TTN: variants seen among roughly 807,000 people sequenced by gnomAD.
TTN encodes connectin.
TTN carries 1,525 observed loss-of-function variants against 3,223.0 expected under a neutral mutation model. The observed-to-expected ratio is 0.47, with a 90% CI of 0.45 to 0.49. TTN has a LOEUF of 0.49. Ranked by LOEUF, TTN falls within the 20% of genes least tolerant of loss-of-function variation. The pLI, the probability that TTN is intolerant of heterozygous loss-of-function variation, is 0.00. For missense variants in TTN, 40,786 were observed against 43,424.0 expected, an observed-to-expected ratio of 0.94 and a Z score of 5.40; for synonymous variants, 14,094 against 15,161.0, an observed-to-expected ratio of 0.93 and a Z score of 5.17.
At chr2:178,749,952 A>G in intron 47 of TTN, 1 of 1,613,198 alleles carries the variant, frequency 6.2e-7, no homozygotes, top group South Asian at 1.1e-5. Flanking sequence ...ATATCAGACA[A>G]AAATACAAAT....
At position 178,549,820 on chromosome 2, in the gene TTN, C is replaced by T. The variant is rs1396806455; in HGVS notation, c.91902G>A (p.Gly30634=). 3.7e-6 allele frequency: 6 copies of T among 1,601,162 alleles called. No individual in the cohort carries two copies. The highest frequency in any genetic ancestry group is 5.1e-6 in the Non-Finnish European group (6 of 1,171,426). ...CATCCCACCACAGAGTCATCTTCTC[C>T]CCAGTAATATTGGTGAATCTTATTG... ...VGPIRFTNIT[G]EKMTLWWDAP... The change falls in exon 338 of 363, where the codon GGG becomes GGA. Residue 30634 remains glycine, a synonymous_variant. Transcript: ENST00000589042.
chr2:178,555,044 A>G lies in TTN; in HGVS notation c.88415T>C (p.Ile29472Thr), dbSNP rs1700836863. 1 of 1,613,800 alleles carries G rather than the reference A, an allele frequency of 6.2e-7. No individual in the cohort carries two copies. The highest frequency in any genetic ancestry group is 8.5e-7 in the Non-Finnish European group (1 of 1,179,828). ...AGISGKPAPT[I>T]EWYKDDKELQ... ...TTCTTTATCATCTTTATACCACTCA[A>G]TAGTAGGCGCAGGTTTGCCAGAAAT... Residue 29472 changes from isoleucine (I) to threonine (T), a missense_variant, in exon 331 of 363, where the codon ATT becomes ACT. Transcript: ENST00000589042.
intron 127 of TTN, among the ~76,000 whole-genome samples, 166 bp downstream of exon 127, chr2:178,687,945 C>G (rs981011669): frequency 1.3e-5 from 2 of 152,138 alleles, no homozygotes; most frequent in Non-Finnish European, 2.9e-5. Flanking sequence ...GTATAATCCT[C>G]CTGAATCTTG....
chr2:178,667,638 C>T lies in TTN; in HGVS notation c.35629G>A (p.Val11877Met), dbSNP rs1245278998. ...AGAGTGGATCATTGGTGTTATATAC[C>T]TTTTGCTAGTTTGGGTTTTGTCTTT... The part of the protein sequence containing the change: ...PQKTKPKLAK[V>M]PEPPKKVVPE... The change falls in exon 160 of 363, where the codon GTG (valine) becomes ATG (methionine). Residue 11877 changes from valine to methionine, a missense_variant and splice_region_variant. Physicochemically the swap from Val to Met is conservative, Grantham distance 21 (BLOSUM62 1). Transcript: ENST00000589042. 6.3e-7 allele frequency: 1 copy of T among 1,595,630 alleles called. No homozygotes were observed. The highest frequency in any genetic ancestry group is 1.7e-5 in the Admixed American group (1 of 59,752).
At chr2:178,711,432 A>G in intron 96 of TTN, 83 bp from the exon 97 acceptor site, 1 of 1,329,758 alleles carries the variant, frequency 7.5e-7, no homozygotes, top group Non-Finnish European at 1.0e-6. Context: ...ACGCACGTAT[A>G]TATGCAATTT....
rs778965506 is a variant in TTN at position 178,536,213 on chromosome 2, T to A, written c.100534A>T (p.Asn33512Tyr). 88 of 1,613,242 alleles carry A rather than the reference T, an allele frequency of 5.5e-5. No individual in the cohort carries two copies. Among genetic ancestry groups the A allele is most frequent in the Non-Finnish European group, 7.3e-5 (86 of 1,179,556 alleles). ...GTCACTTTGCAGACCAAGGTAGCAT[T>A]GCTCTGATATCTGACATTTAGATTT... is the stretch of plus-strand genomic sequence containing the variant. The part of the protein sequence containing the change: ...LRNLNVRYQS[N>Y]ATLVCKVTGH... Residue 33512 changes from asparagine to tyrosine, a missense_variant, in exon 357 of 363, where the codon AAT becomes TAT. Asn to Tyr is a moderately radical substitution (Grantham distance 143). Transcript: ENST00000589042.
In TTN at chr2:178,570,305, G is replaced by A. The variant is rs748746031; in HGVS notation, c.75827C>T (p.Thr25276Ile). ...VTKLLEGNEY[T>I]FRIMAVNKYG... is the part of the protein sequence containing the mutation. ...TTTGTTTACTGCCATTATACGGAAA[G>A]TATATTCATTGCCTTCAAGAAGCTT... The change falls in exon 326 of 363, where the codon ACT (threonine) becomes ATT (isoleucine). Residue 25276 changes from threonine to isoleucine, a missense_variant. By Grantham distance (89) the Thr-to-Ile change is moderately conservative. Transcript: ENST00000589042. The A allele has an allele frequency of 6.2e-7, 1 of 1,613,306 alleles. No individual in the cohort carries two copies.
rs2079601523 is a variant in TTN, at chr2:178,727,692, C to A, written c.19886G>T (p.Ser6629Ile). 6.2e-7 allele frequency: 1 copy of A among 1,613,112 alleles called. No individual in the cohort carries two copies. The highest frequency in any genetic ancestry group is 8.5e-7 in the Non-Finnish European group (1 of 1,179,430). Reference protein sequence around the residue: ...KCFIGLEGSTSFLNLYSVDAS... With the variant: ...KCFIGLEGSTIFLNLYSVDAS... ...ATCCACTGAGTAGAGATTTAAGAAG[C>A]TAGTCGACCCTTCCAAGCCAATGAA... The change falls in exon 68 of 363, where the codon AGC becomes ATC. Residue 6629 changes from serine (S) to isoleucine (I), a missense_variant. Ser to Ile is a moderately radical substitution (Grantham distance 142). Coordinates refer to ENST00000589042, the MANE Select transcript of TTN (RefSeq NM_001267550.2).
In TTN at chr2:178,636,772, A is replaced by G. The variant is rs1261664684; in HGVS notation, c.40955T>C (p.Ile13652Thr). 1.9e-6 allele frequency: 3 copies of G among 1,604,086 alleles called. No individual in the cohort carries two copies. The highest frequency in any genetic ancestry group is 1.7e-4 in the Middle Eastern group (1 of 5,990). Residue 13652 changes from isoleucine (I) to threonine (T), a missense_variant, in exon 225 of 363, where the codon ATA (isoleucine) becomes ACA (threonine). Physicochemically the swap from Ile to Thr is moderately conservative, Grantham distance 89. Coordinates refer to ENST00000589042, the MANE Select transcript of TTN (RefSeq NM_001267550.2). This position sits in a 1 kb window ranked among gnomAD's most constrained non-coding sequence, Gnocchi z 4.3. ...CCTTAACTTTCTCCTTTCGGCTTCT[A>G]TTGGTGAAGGAGTCTTTTTGGGTAC... The part of the protein sequence containing the change: ...KGVPKKTPSP[I>T]EAERRKLRPG...
At chr2:178,724,760 C>T (rs1277281240) in intron 71 of TTN, 2 of 413,134 alleles carry the variant, frequency 4.8e-6, no homozygotes, top group South Asian at 1.0e-4. Context: ...TTTTGTTTTT[C>T]CCACCACTCT....
chr2:178,629,659 G>A (rs562844604), intron 239 of TTN, among the ~76,000 whole-genome samples: 25 of 152,098 alleles, frequency 1.6e-4, no homozygotes, highest in Non-Finnish European at 3.5e-4. Flanking sequence ...TCGTTCTGAC[G>A]TACAAGGTCA....
chr2:178,604,597 A>G (rs2054333921), intron 281 of TTN, 111 bp downstream of exon 281: 1 of 1,183,590 alleles, frequency 8.4e-7, no homozygotes, highest in African/African-American at 1.5e-5. Context: ...ATAACAGCTT[A>G]TCGTGTGTGG....
chr2:178,622,251 G>A (rs72677220), intron 243 of TTN, among the ~76,000 whole-genome samples: 510 of 152,052 alleles, frequency 3.4e-3, no homozygotes, highest in Non-Finnish European at 6.3e-3. Context: ...GATCATATAA[G>A]TTTAGAGCTA....
Position 178,590,275 on chromosome 2 carries a change from C to G in TTN, c.61450G>C (p.Asp20484His). The change falls in exon 304 of 363, where the codon GAT (aspartate) becomes CAT (histidine). Residue 20484 changes from aspartate (D) to histidine (H), a missense_variant. Transcript: ENST00000589042. ...PEVELDVTCRDVITVRVGQTI... is the reference protein window; with the variant it reads ...PEVELDVTCRHVITVRVGQTI... The stretch of plus-strand genomic sequence containing the variant: ...TGGCCTACTCTCACGGTAATAACAT[C>G]ACGACAAGTAACATCAAGTTCTACT... The G allele has an allele frequency of 1.3e-6, 2 of 1,573,744 alleles. No homozygotes were observed. The highest frequency in any genetic ancestry group is 1.7e-6 in the Non-Finnish European group (2 of 1,160,426).
At chr2:178,630,178 C>T (rs889520734) in intron 239 of TTN, 63 bp downstream of exon 239, 2 of 1,600,598 alleles carry the variant, frequency 1.2e-6, no homozygotes, top group Non-Finnish European at 1.7e-6. Flanking sequence ...CAATTAATTT[C>T]ACTCACATTC....
chr2:178,722,962 G>A (rs1185718522), intron 75 of TTN, 25 bp from the exon 76 acceptor site: 2 of 1,597,630 alleles, frequency 1.3e-6, no homozygotes, highest in Non-Finnish European at 8.5e-7. Flanking sequence ...CTCACAGTTA[G>A]CAACTGGAAT....
Position 178,718,429 on chromosome 2 carries a change from G to A in TTN, c.24677C>T (p.Thr8226Ile), listed in dbSNP as rs1391244402. 5.6e-6 allele frequency: 9 copies of A among 1,613,596 alleles called. No homozygotes were observed. In the Admixed American group the frequency reaches 1.5e-4, roughly 27 times the overall value. ...RCSITMTEKS[T>I]ILEILESTIE... ...TGTGCTCTCAAGAATTTCCAGTATG[G>A]TAGATTTTTCTGTCATAGTAATACT... Residue 8226 changes from threonine (T) to isoleucine (I), a missense_variant, in exon 85 of 363, where the codon ACC (threonine) becomes ATC (isoleucine). Transcript: ENST00000589042.
At position 178,774,608 on chromosome 2, in the gene TTN, G is replaced by A. The variant is rs2091982840; in HGVS notation, c.6791-135C>T. 14 of 791,256 alleles carry A rather than the reference G, an allele frequency of 1.8e-5. No homozygotes were observed. The South Asian group carries it at 2.5e-4, about 14-fold the overall frequency. 49.0% of individuals were successfully genotyped at this position (791,256 alleles called of 1,614,324 possible). Reference sequence around the variant, plus strand: ...GTATTCTTAATATCTACCCGCTGATGGGCTGAGAGATAAATTTTCAATAAG... The same window carrying A: ...GTATTCTTAATATCTACCCGCTGATAGGCTGAGAGATAAATTTTCAATAAG... On this transcript the variant is annotated intron_variant, in intron 29 of 362. Coordinates refer to ENST00000589042, the MANE Select transcript of TTN (RefSeq NM_001267550.2).
intron 359 of TTN, 118 bp downstream of exon 359, chr2:178,529,842 T>C (rs1688270772): frequency 1.8e-6 from 2 of 1,131,064 alleles, no homozygotes; most frequent in Admixed American, 2.9e-5. Flanking sequence ...ATTCTGGAAT[T>C]AGGAAAATAA....
Sources: gnomAD v4.1 joint callset for allele counts (sites outside exome capture counted in the v4.1 genomes callset) on GRCh38, gnomAD v4.1.1 for gene constraint, Gnocchi (gnomAD v3.1) non-coding constraint, MANE v1.5 for transcripts, NCBI Gene and HGNC (gene_info 2026-07-23, HGNC 2026-07-21) for gene names.